IMPG1: variants seen among roughly 807,000 people sequenced by gnomAD.
The protein encoded by IMPG1 is interphotoreceptor matrix proteoglycan 1, also known as interphotoreceptor matrix proteoglycan of 150 kDa.
A neutral mutation model predicts 92.0 loss-of-function variants in IMPG1; 85 were observed. That is an observed-to-expected ratio of 0.92 (90% confidence interval 0.78 to 1.11). IMPG1 has a LOEUF of 1.11. IMPG1 is among the 50% of genes least tolerant of loss of function. IMPG1 has a pLI of 0.00. For missense variants in IMPG1, 1,022 were observed against 956.0 expected, an observed-to-expected ratio of 1.07 and a Z score of -0.91; for synonymous variants, 367 against 334.1, an observed-to-expected ratio of 1.10 and a Z score of -1.08.
chr6:76,009,765 C>G (rs1272116487), intron 8 of IMPG1, among the ~76,000 whole-genome samples: 1 of 152,148 alleles, frequency 6.6e-6, no homozygotes, highest in Non-Finnish European at 1.5e-5. Context: ...CATCATCTAA[C>G]ATTTTGGTTT....
At chr6:75,996,304 G>C (rs975939835) in intron 12 of IMPG1, among the ~76,000 whole-genome samples, 2 of 152,164 alleles carry the variant, frequency 1.3e-5, no homozygotes, top group Non-Finnish European at 2.9e-5. Context: ...TGGCTTCAAG[G>C]TGAGATAAAG....
intron 1 of IMPG1, among the ~76,000 whole-genome samples, chr6:76,045,358 A>T (rs769678340): frequency 1.8e-4 from 27 of 151,934 alleles, no homozygotes; most frequent in Admixed American, 1.5e-3. Context: ...GGTGCAGCGA[A>T]CACCAAGCTA....
In IMPG1 at chr6:76,005,474, T is replaced by C; in HGVS notation, c.948A>G (p.Lys316=). ...AIFKRHSAEA[K]SPASDLLSFD... is the part of the protein sequence containing the mutation. The stretch of plus-strand genomic sequence containing the variant: ...AAGACAGGAGGTCACTTGCAGGGCT[T>C]TTTGCTTCTGCACTGTGTCTCTTAA... The change falls in exon 10 of 17, where the codon AAA becomes AAG. Residue 316 remains lysine, a synonymous_variant. Coordinates refer to ENST00000369950, the MANE Select transcript of IMPG1 (RefSeq NM_001563.4). 6.2e-7 allele frequency: 1 copy of C among 1,613,892 alleles called. No individual in the cohort carries two copies. The highest frequency in any genetic ancestry group is 8.5e-7 in the Non-Finnish European group (1 of 1,179,834).
intron 14 of IMPG1, among the ~76,000 whole-genome samples, chr6:75,942,210 C>T (rs1390884513): frequency 6.6e-6 from 1 of 152,166 alleles, no homozygotes; most frequent in African/African-American, 2.4e-5. Context: ...AGTATTTATT[C>T]TTGATATACA....
intron 12 of IMPG1, among the ~76,000 whole-genome samples, chr6:75,958,565 T>A (rs1782165465): frequency 6.6e-6 from 1 of 152,210 alleles, no homozygotes; most frequent in African/African-American, 2.4e-5. Flanking sequence ...TAGTCCCATA[T>A]TTCTTGGAGG....
chr6:76,026,147 G>T (rs1255288988), intron 4 of IMPG1, among the ~76,000 whole-genome samples: 2 of 152,164 alleles, frequency 1.3e-5, no homozygotes, highest in Non-Finnish European at 2.9e-5. Flanking sequence ...CTCTGCGCTA[G>T]CAAGAGTCCC....
intron 14 of IMPG1, among the ~76,000 whole-genome samples, chr6:75,932,707 C>CT (rs1030452648): frequency 1.1e-4 from 16 of 148,414 alleles, no homozygotes; most frequent in South Asian, 8.6e-4. Context: ...TTGTTTCTTC[C>CT]TTTTTTTTTT....
At chr6:75,957,886 G>T (rs1050887242) in intron 12 of IMPG1, among the ~76,000 whole-genome samples, 1 of 152,070 alleles carries the variant, frequency 6.6e-6, no homozygotes, top group Non-Finnish European at 1.5e-5. Context: ...CTTTTAATTG[G>T]GGCATTTAGC....
At position 76,060,323 on chromosome 6, in the gene IMPG1, A is replaced by T. The variant is rs554154988; in HGVS notation, c.67+12099T>A. ...TCCTTAGCTCTTTCATATTCTTCTT[A>T]CATTCCCTATGGCTGGAAGAGAGGA... On this transcript the variant is annotated intron_variant, in intron 1 of 16. Transcript: ENST00000369950. Among the ~76,000 whole-genome samples the T allele has an allele frequency of 2.6e-5, 4 of 152,300 alleles. No homozygotes were observed. In the East Asian group the frequency reaches 7.7e-4, roughly 29 times the overall value.
intron 12 of IMPG1, among the ~76,000 whole-genome samples, chr6:75,968,885 T>C (rs1782355611): frequency 6.6e-6 from 1 of 152,228 alleles, no homozygotes; most frequent in Admixed American, 6.5e-5. Flanking sequence ...GCAATACATT[T>C]ATTTTCTTTA....
At chr6:75,951,492 T>C (rs1338141618) in intron 12 of IMPG1, among the ~76,000 whole-genome samples, 1 of 152,204 alleles carries the variant, frequency 6.6e-6, no homozygotes, top group East Asian at 1.9e-4. Flanking sequence ...TTTAGATCCC[T>C]CATCCCCGTA....
At chr6:76,029,572 G>T (rs905187366) in intron 4 of IMPG1, among the ~76,000 whole-genome samples, 1 of 152,140 alleles carries the variant, frequency 6.6e-6, no homozygotes, top group Non-Finnish European at 1.5e-5. Context: ...GCTTGTTCCT[G>T]TGAACCAACC....
chr6:76,027,272 A>C (rs986741680), intron 4 of IMPG1, among the ~76,000 whole-genome samples: 1 of 152,218 alleles, frequency 6.6e-6, no homozygotes, highest in Non-Finnish European at 1.5e-5. Flanking sequence ...TTGGGTTTTG[A>C]GAACTGTCTG....
At chr6:75,948,946 T>A (rs1429418839) in intron 13 of IMPG1, among the ~76,000 whole-genome samples, 1 of 152,196 alleles carries the variant, frequency 6.6e-6, no homozygotes, top group East Asian at 1.9e-4. Flanking sequence ...AATGAGGAAA[T>A]GCCCTTGGTA....
At chr6:75,999,471 T>C (rs1782950302) in intron 12 of IMPG1, among the ~76,000 whole-genome samples, 1 of 152,228 alleles carries the variant, frequency 6.6e-6, no homozygotes, top group Admixed American at 6.5e-5. Flanking sequence ...TTTGGAGCCC[T>C]AATTTTCATT....
rs932927833 is a variant in IMPG1 at position 76,002,883 on chromosome 6, G to A, written c.1291+35C>T. ...AATGGGATTCCTCAAAGCATATGTTGTCATCTAACATAGACTTTGTGAGGG... is the reference window on the plus strand; with the variant it reads ...AATGGGATTCCTCAAAGCATATGTTATCATCTAACATAGACTTTGTGAGGG... On this transcript the variant is annotated intron_variant, in intron 12 of 16. Transcript: ENST00000369950. 4.1e-6 allele frequency: 6 copies of A among 1,474,496 alleles called. No homozygotes were observed. The South Asian group carries it at 4.5e-5, about 11-fold the overall frequency. The allele number at this position is 1,474,496 out of a possible 1,614,324, so 91.3% of individuals were successfully genotyped here. A position where few individuals can be genotyped will look rare whatever the true frequency, so the allele number is the denominator to read the frequency against.
chr6:75,997,769 T>A (rs970012309), intron 12 of IMPG1, among the ~76,000 whole-genome samples: 2 of 152,170 alleles, frequency 1.3e-5, no homozygotes, highest in African/African-American at 2.4e-5. Context: ...ACAGGAATTT[T>A]AAAAAAAGGA....
chr6:76,011,165 C>T lies in IMPG1; in HGVS notation c.866+1G>A, dbSNP rs1783177243. ...GAGAAGAGTTTGATTCTCTTACTTACCTAAATCCTAACACATGGATTTTTT... is the reference window on the plus strand; with the variant it reads ...GAGAAGAGTTTGATTCTCTTACTTATCTAAATCCTAACACATGGATTTTTT... On this transcript the variant is annotated splice_donor_variant, in intron 8 of 16. Transcript: ENST00000369950. LOFTEE classifies it high-confidence loss of function. 4 of 1,468,366 alleles carry T rather than the reference C, an allele frequency of 2.7e-6. No homozygotes were observed. The highest frequency in any genetic ancestry group is 1.4e-5 in the African/African-American group (1 of 71,940). 91.0% of individuals were successfully genotyped at this position (1,468,366 alleles called of 1,614,324 possible).
In IMPG1 at chr6:75,993,532, G is replaced by A. The variant is rs1206164291; in HGVS notation, c.1291+9386C>T. On this transcript the variant is annotated intron_variant, in intron 12 of 16. Coordinates refer to ENST00000369950, the MANE Select transcript of IMPG1 (RefSeq NM_001563.4). ...AGAGAAAGAAAGAGAGAGAGAGAAA[G>A]GGAGAGAGAAATCATCCCTCTTTTG... Among the ~76,000 whole-genome samples, 3 of 151,956 alleles carry A rather than the reference G, an allele frequency of 2.0e-5. No individual in the cohort carries two copies. In the South Asian group the frequency reaches 6.2e-4, roughly 32 times the overall value.
Sources: gnomAD v4.1 joint callset for allele counts (sites outside exome capture counted in the v4.1 genomes callset) on GRCh38, gnomAD v4.1.1 for gene constraint, MANE v1.5 for transcripts, NCBI Gene and HGNC (gene_info 2026-07-23, HGNC 2026-07-21) for gene names.